Variants in SLC12A1 observed in about 807,000 individuals in gnomAD.
SLC12A1 encodes the protein Na-K-2Cl cotransporter.
A neutral mutation model predicts 130.4 loss-of-function variants in SLC12A1; 89 were observed. That is an observed-to-expected ratio of 0.68 (90% CI 0.58 to 0.81). The LOEUF is 0.81. Ranked by LOEUF, SLC12A1 falls within the 40% of genes least tolerant of loss-of-function variation. The pLI, the probability that SLC12A1 is intolerant of heterozygous loss-of-function variation, is 0.00. For missense variants in SLC12A1, 1,310 were observed against 1,336.4 expected (o/e 0.98, Z 0.31); for synonymous variants, 499 against 460.0 (o/e 1.08, Z -1.09).
rs573227387 is a variant in SLC12A1, at chr15:48,291,476, A to T, written c.2874-302A>T. 2.6e-5 allele frequency among the ~76,000 whole-genome samples: 4 copies of T among 152,312 alleles called. No homozygotes were observed. The South Asian group carries it at 8.3e-4, about 32-fold the overall frequency. The stretch of plus-strand genomic sequence containing the variant: ...ATTAAGACTTGCTGTCTTTCAAATA[A>T]TAAGAAATGTGGACAGATTTGCATT... On this transcript the variant is annotated intron_variant, in intron 23 of 26. Coordinates refer to ENST00000380993, the MANE Select transcript of SLC12A1 (RefSeq NM_000338.3).
intron 20 of SLC12A1, among the ~76,000 whole-genome samples, chr15:48,275,043 T>TCCA (rs2041936743): frequency 1.3e-5 from 2 of 152,210 alleles, no homozygotes; most frequent in Admixed American, 1.3e-4. Context: ...GTCTATGAAC[T>TCCA]GGTTTGTAGC....
chr15:48,296,108 C>T (rs1263832464), intron 24 of SLC12A1, among the ~76,000 whole-genome samples: 4 of 152,158 alleles, frequency 2.6e-5, no homozygotes, highest in Admixed American at 2.6e-4. Flanking sequence ...CCACTTGGAC[C>T]TCGGCCGGGC....
At chr15:48,298,024 T>C (rs1247038660) in intron 24 of SLC12A1, among the ~76,000 whole-genome samples, 1 of 152,240 alleles carries the variant, frequency 6.6e-6, no homozygotes, top group African/African-American at 2.4e-5. Context: ...ATGCATTAAG[T>C]ATCTTTTCAG....
At chr15:48,291,652 CCT>C in intron 23 of SLC12A1, 124 bp from the exon 24 acceptor site, 1 of 666,978 alleles carries the variant, frequency 1.5e-6, no homozygotes, top group South Asian at 1.7e-5. Flanking sequence ...AACCAAAAAG[CCT>C]CTGTCTGAAA....
chr15:48,227,441 A>G, intron 5 of SLC12A1: 1 of 457,872 alleles, frequency 2.2e-6, no homozygotes, highest in South Asian at 2.4e-5. Context: ...ATTATAGCAA[A>G]ATATATGGTT....
chr15:48,288,330 GA>G, intron 22 of SLC12A1, 74 bp from the exon 23 acceptor site: 1 of 1,062,182 alleles, frequency 9.4e-7, no homozygotes, highest in Admixed American at 2.3e-5. Context: ...ATGTGGTAAT[GA>G]ATAAAGATAT....
intron 2 of SLC12A1, among the ~76,000 whole-genome samples, chr15:48,211,950 C>G (rs957438597): frequency 6.6e-6 from 1 of 152,010 alleles, no homozygotes; most frequent in African/African-American, 2.4e-5. Context: ...TACTGGTGAC[C>G]GTTAATTATA....
At chr15:48,242,199 G>A (rs563658163) in intron 10 of SLC12A1, among the ~76,000 whole-genome samples, 29 of 152,296 alleles carry the variant, frequency 1.9e-4, no homozygotes, top group African/African-American at 6.5e-4. Context: ...ACTGACTTTG[G>A]TTCTACCTGC....
chr15:48,220,788 A>G, intron 3 of SLC12A1, 23 bp downstream of exon 3: 1 of 1,613,878 alleles, frequency 6.2e-7, no homozygotes, highest in Non-Finnish European at 8.5e-7. Flanking sequence ...TTCTGTTTAC[A>G]AATGAAAACT....
At chr15:48,234,026 T>C (rs1424752700) in intron 8 of SLC12A1, among the ~76,000 whole-genome samples, 2 of 152,240 alleles carry the variant, frequency 1.3e-5, no homozygotes, top group Non-Finnish European at 2.9e-5. Flanking sequence ...GGATTTGGTA[T>C]AAGCAGCTAA....
chr15:48,207,828 G>A lies in SLC12A1; in HGVS notation c.109G>A (p.Asp37Asn). 9.9e-6 allele frequency: 16 copies of A among 1,614,026 alleles called. No individual in the cohort carries two copies. Among genetic ancestry groups the A allele is most frequent in the Non-Finnish European group, 1.1e-5 (13 of 1,179,890 alleles). The change falls in exon 2 of 27, where the codon GAT (aspartate) becomes AAT (asparagine). Residue 37 changes from aspartate (D) to asparagine (N), a missense_variant. Transcript: ENST00000380993. ...GAACCATGAGAGCAGTGCAGCTGCA[G>A]ATGACAATACTGACCCACCACATTA... ...NENHESSAAA[D>N]DNTDPPHYEE...
chr15:48,288,069 ATGCATG>A lies in SLC12A1; in HGVS notation c.2659_2664del (p.His887_Val888del). On this transcript the variant is annotated inframe_deletion, in exon 22 of 27. Coordinates refer to ENST00000380993, the MANE Select transcript of SLC12A1 (RefSeq NM_000338.3). ...TGGCAGCATTAACACAAGCCAGTCGATGCATGTGGGAGAGTTCAACCAGAAACTGGT... is the reference window on the plus strand; with the variant it reads ...TGGCAGCATTAACACAAGCCAGTCGATGGGAGAGTTCAACCAGAAACTGGT... The A allele has an allele frequency of 1.2e-6, 2 of 1,611,404 alleles. No homozygotes were observed. Among genetic ancestry groups the A allele is most frequent in the Non-Finnish European group, 1.7e-6 (2 of 1,178,800 alleles).
intron 19 of SLC12A1, among the ~76,000 whole-genome samples, chr15:48,271,270 G>A (rs2041895890): frequency 6.6e-6 from 1 of 152,068 alleles, no homozygotes; most frequent in Admixed American, 6.6e-5. Flanking sequence ...TACTTAATCA[G>A]ACTCCAGAGC....
intron 13 of SLC12A1, 24 bp downstream of exon 13, chr15:48,247,484 A>G: frequency 1.9e-6 from 3 of 1,546,432 alleles, no homozygotes; most frequent in Non-Finnish European, 2.6e-6. Context: ...TCTTGTTTTT[A>G]TTGAAAACCA....
At chr15:48,232,390 C>T (rs973250802) in intron 7 of SLC12A1, among the ~76,000 whole-genome samples, 2 of 152,196 alleles carry the variant, frequency 1.3e-5, no homozygotes, top group African/African-American at 2.4e-5. Context: ...CAAACAAAAC[C>T]CCCCTCAAGT....
intron 14 of SLC12A1, among the ~76,000 whole-genome samples, chr15:48,251,050 A>C (rs2141063791): frequency 6.6e-6 from 1 of 152,222 alleles, no homozygotes; most frequent in African/African-American, 2.4e-5. Context: ...CTAGCCCTTA[A>C]GTTTAAAAAG....
chr15:48,255,166 G>A (rs547673001), intron 15 of SLC12A1, among the ~76,000 whole-genome samples: 2 of 151,078 alleles, frequency 1.3e-5, no homozygotes, highest in Admixed American at 1.3e-4. Flanking sequence ...TGGGCCAGGC[G>A]CGGTGGCTCA....
intron 2 of SLC12A1, 50 bp from the exon 3 acceptor site, chr15:48,220,584 C>A: frequency 6.5e-7 from 1 of 1,534,810 alleles, no homozygotes; most frequent in South Asian, 1.3e-5. Flanking sequence ...TTTCATGGAA[C>A]CCTTTGTTCA....
chr15:48,214,551 A>G (rs926859774), intron 2 of SLC12A1, among the ~76,000 whole-genome samples: 2 of 152,230 alleles, frequency 1.3e-5, no homozygotes, highest in East Asian at 3.8e-4. Context: ...ATGTGTAATA[A>G]CTTTCAAAAC....
Sources: gnomAD v4.1 joint callset for allele counts (sites outside exome capture counted in the v4.1 genomes callset) on GRCh38, gnomAD v4.1.1 for gene constraint, MANE v1.5 for transcripts, NCBI Gene and HGNC (gene_info 2026-07-23, HGNC 2026-07-21) for gene names.